Variants in SKA1 observed in about 807,000 individuals in gnomAD.
The protein encoded by SKA1 is spindle and kinetochore associated complex subunit 1.
In SKA1, 20 loss-of-function variants were observed where a neutral mutation model predicts 31.8. That is an observed-to-expected ratio of 0.63 (90% CI 0.44 to 0.91). The LOEUF is 0.91. Ranked by LOEUF, SKA1 falls within the 40% of genes least tolerant of loss-of-function variation. The probability of loss-of-function intolerance (pLI) is 0.00; values close to 1 mark genes in which losing one functional copy is unlikely to be tolerated. For missense variants in SKA1, 253 were observed against 298.2 expected (o/e 0.85, Z 1.12); for synonymous variants, 88 against 100.5 (o/e 0.88, Z 0.74).
intron 6 of SKA1, among the ~76,000 whole-genome samples, chr18:50,391,605 A>G (rs2041357714): frequency 6.6e-6 from 1 of 152,206 alleles, no homozygotes; most frequent in South Asian, 2.1e-4. Flanking sequence ...ATTGCTTTAG[A>G]GTCTATTGTG....
chr18:50,391,400 C>T lies in SKA1; in HGVS notation c.619+107C>T. 3 of 1,119,874 alleles carry T rather than the reference C, an allele frequency of 2.7e-6. No homozygotes were observed. In the South Asian group the frequency reaches 7.0e-5, roughly 26 times the overall value. 69.4% of individuals were successfully genotyped at this position (1,119,874 alleles called of 1,614,324 possible). Reference sequence around the variant, plus strand: ...AATTCTAAATCTAGAGTGTTAATTCCCAACCAGGAGCAGTTATCCTACCAG... The same window carrying T: ...AATTCTAAATCTAGAGTGTTAATTCTCAACCAGGAGCAGTTATCCTACCAG... On this transcript the variant is annotated intron_variant, in intron 6 of 6. Coordinates refer to ENST00000285116, the MANE Select transcript of SKA1 (RefSeq NM_145060.4).
At chr18:50,386,750 C>A (rs897470489) in intron 5 of SKA1, among the ~76,000 whole-genome samples, 1 of 152,148 alleles carries the variant, frequency 6.6e-6, no homozygotes, top group East Asian at 1.9e-4. Context: ...CCCACTGAAC[C>A]CCAGAATGTT....
intron 5 of SKA1, among the ~76,000 whole-genome samples, chr18:50,387,063 C>T (rs539485867): frequency 3.9e-5 from 6 of 152,288 alleles, no homozygotes; most frequent in East Asian, 1.9e-4. Context: ...TGCTGAGTCA[C>T]GTAAGAGTAT....
At chr18:50,383,366 C>G (rs2041277676) in intron 4 of SKA1, among the ~76,000 whole-genome samples, 1 of 152,162 alleles carries the variant, frequency 6.6e-6, no homozygotes. Context: ...CCTCCTTTTT[C>G]TCTCCCCTTT....
At chr18:50,387,141 T>G (rs1160401251) in intron 5 of SKA1, among the ~76,000 whole-genome samples, 4 of 152,242 alleles carry the variant, frequency 2.6e-5, no homozygotes, top group African/African-American at 7.2e-5. Context: ...GACAGAACAT[T>G]CCTCTTGCTC....
chr18:50,389,095 C>T (rs1162474317), intron 5 of SKA1, among the ~76,000 whole-genome samples: 1 of 151,708 alleles, frequency 6.6e-6, no homozygotes, highest in Non-Finnish European at 1.5e-5. Context: ...GAGTTACCAG[C>T]TTTCAGTTTG....
At chr18:50,381,650 G>C (rs952811711) in intron 3 of SKA1, among the ~76,000 whole-genome samples, 4 of 150,860 alleles carry the variant, frequency 2.7e-5, no homozygotes, top group African/African-American at 9.8e-5. Flanking sequence ...AACAGCTCTA[G>C]AAACCAATTT....
Position 50,381,883 on chromosome 18 carries a change from G to A in SKA1, c.214-246G>A, listed in dbSNP as rs533529834. Among the ~76,000 whole-genome samples the A allele has an allele frequency of 7.9e-5, 12 of 152,024 alleles. No homozygotes were observed. The East Asian group carries it at 1.5e-3, about 20-fold the overall frequency. ...TGGGACTATAGGCGCGTGCCACCAC[G>A]CCCGGCTAAATTTTTGTATTTTTAG... is the stretch of plus-strand genomic sequence containing the variant. On this transcript the variant is annotated intron_variant, in intron 3 of 6. Coordinates refer to ENST00000285116, the MANE Select transcript of SKA1 (RefSeq NM_145060.4).
At chr18:50,377,481 C>T (rs2041228341) in intron 2 of SKA1, among the ~76,000 whole-genome samples, 1 of 152,158 alleles carries the variant, frequency 6.6e-6, no homozygotes, top group African/African-American at 2.4e-5. Context: ...TGGGAAATAA[C>T]TAATTGAAAA....
chr18:50,393,394 TG>T lies in SKA1; in HGVS notation c.*1149del, dbSNP rs963952938. ...ATGAGGTTAGGATACCCAGGCCCTTTGGACTTAAAGATCACTAGTGTCTAAA... is the reference window on the plus strand; with the variant it reads ...ATGAGGTTAGGATACCCAGGCCCTTTGACTTAAAGATCACTAGTGTCTAAA... On this transcript the variant is annotated 3_prime_UTR_variant, in exon 7 of 7. Coordinates refer to ENST00000285116, the MANE Select transcript of SKA1 (RefSeq NM_145060.4). 1.3e-5 allele frequency: 2 copies of T among 152,254 alleles called. No homozygotes were observed. Among genetic ancestry groups the T allele is most frequent in the African/African-American group, 4.8e-5 (2 of 41,468 alleles). The allele number at this position is 152,254 out of a possible 1,614,324, so 9.4% of individuals were successfully genotyped here. A position where few individuals can be genotyped will look rare whatever the true frequency, so the allele number is the denominator to read the frequency against.
intron 6 of SKA1, 107 bp downstream of exon 6, chr18:50,391,400 C>A: frequency 2.7e-6 from 3 of 1,119,862 alleles, no homozygotes; most frequent in East Asian, 2.9e-5. Context: ...GTGTTAATTC[C>A]CAACCAGGAG....
intron 4 of SKA1, among the ~76,000 whole-genome samples, chr18:50,384,870 T>TAAAAAAAAAAAAAAAAA (rs1568329774): frequency 4.9e-5 from 3 of 61,300 alleles, no homozygotes; most frequent in Non-Finnish European, 8.6e-5. Flanking sequence ...AAAAAAAAAA[T>TAAAAAAAAAAAAAAAAA]TAAAAAAAAA....
Position 50,380,115 on chromosome 18 carries a change from G to T in SKA1, c.89-11G>T. 1.3e-6 allele frequency: 2 copies of T among 1,497,666 alleles called. No homozygotes were observed. Among genetic ancestry groups the T allele is most frequent in the East Asian group, 2.6e-5 (1 of 38,780 alleles). The allele number at this position is 1,497,666 out of a possible 1,614,324, so 92.8% of individuals were successfully genotyped here. A position where few individuals can be genotyped will look rare whatever the true frequency, so the allele number is the denominator to read the frequency against. ...ACACTTTGTTTTCTATTTTATTTTT[G>T]TTTATAACAGGCCAGGAACCTACCT... On this transcript the variant is annotated splice_polypyrimidine_tract_variant and intron_variant, in intron 2 of 6. Coordinates refer to ENST00000285116, the MANE Select transcript of SKA1 (RefSeq NM_145060.4).
chr18:50,382,101 CT>C (rs2041268243), intron 3 of SKA1, 27 bp from the exon 4 acceptor site: 1 of 1,291,898 alleles, frequency 7.7e-7, no homozygotes, highest in Admixed American at 2.4e-5. Flanking sequence ...AGGACAGAGA[CT>C]TATTTGTGAG....
chr18:50,389,709 T>C (rs953396141), intron 5 of SKA1, among the ~76,000 whole-genome samples: 4 of 152,332 alleles, frequency 2.6e-5, no homozygotes, highest in African/African-American at 4.8e-5. Context: ...ATTTCCTTTA[T>C]TGACAGCTTT....
At chr18:50,384,745 T>C (rs1168343358) in intron 4 of SKA1, among the ~76,000 whole-genome samples, 2 of 130,208 alleles carry the variant, frequency 1.5e-5, no homozygotes, top group Non-Finnish European at 3.0e-5. Flanking sequence ...TTGGGAGATA[T>C]ACCTAATGCT....
intron 5 of SKA1, among the ~76,000 whole-genome samples, chr18:50,388,044 T>C (rs895905743): frequency 2.6e-5 from 4 of 152,204 alleles, no homozygotes; most frequent in Non-Finnish European, 5.9e-5. Flanking sequence ...GTTGTAAATG[T>C]CAGAAGCTTC....
intron 3 of SKA1, among the ~76,000 whole-genome samples, chr18:50,381,239 C>G (rs7229855): frequency 0.69 from 104,319 of 152,118 alleles, 35,939 homozygotes; most frequent in East Asian, 0.81. Flanking sequence ...AAATATTTTC[C>G]TTATTAAAAT....
At position 50,393,083 on chromosome 18, in the gene SKA1, G is replaced by C. The variant is rs1415787364; in HGVS notation, c.*836G>C. On this transcript the variant is annotated 3_prime_UTR_variant, in exon 7 of 7. Coordinates refer to ENST00000285116, the MANE Select transcript of SKA1 (RefSeq NM_145060.4). ...CTCACCAAATATTTAACTACCTGCTGAATACGCCTCTGTACTAGGCACATA... is the reference window on the plus strand; with the variant it reads ...CTCACCAAATATTTAACTACCTGCTCAATACGCCTCTGTACTAGGCACATA... 1 of 152,248 alleles carries C rather than the reference G, an allele frequency of 6.6e-6. No individual in the cohort carries two copies. The highest frequency in any genetic ancestry group is 1.5e-5 in the Non-Finnish European group (1 of 68,090). The allele number at this position is 152,248 out of a possible 1,614,324, so 9.4% of individuals were successfully genotyped here. A position where few individuals can be genotyped will look rare whatever the true frequency, so the allele number is the denominator to read the frequency against.
Sources: allele counts gnomAD v4.1 joint callset (sites outside exome capture counted in the v4.1 genomes callset), GRCh38; gene constraint gnomAD v4.1.1; transcripts MANE v1.5; gene names NCBI Gene and HGNC (gene_info 2026-07-23, HGNC 2026-07-21).